HELZ: variants seen among roughly 807,000 people sequenced by gnomAD.
HELZ encodes helicase with zinc finger, also known as ATP-dependent RNA helicase with zinc finger domain.
In HELZ, 23 loss-of-function variants were observed where a neutral mutation model predicts 218.2. That is an observed-to-expected ratio of 0.11 (90% confidence interval 0.08 to 0.15). The LOEUF (loss-of-function observed/expected upper bound fraction) is 0.15. Ranked by LOEUF, HELZ falls within the 10% of genes least tolerant of loss-of-function variation. The pLI is 1.00. For missense variants in HELZ, 1,813 were observed against 2,353.7 expected (o/e 0.77, Z 4.75); for synonymous variants, 814 against 829.4 (o/e 0.98, Z 0.32).
chr17:67,087,974 T>A (rs575422802), intron 31 of HELZ, among the ~76,000 whole-genome samples: 142 of 152,304 alleles, frequency 9.3e-4, no homozygotes, highest in African/African-American at 3.4e-3. Context: ...TGGGTTAGAC[T>A]TCAGGCTCTG....
At chr17:67,126,180 T>C (rs534525779) in intron 24 of HELZ, among the ~76,000 whole-genome samples, 2 of 152,334 alleles carry the variant, frequency 1.3e-5, no homozygotes, top group South Asian at 2.1e-4. Context: ...GACATCTGAC[T>C]CATATAATTG....
At chr17:67,228,977 C>T (rs1359954325) in intron 3 of HELZ, among the ~76,000 whole-genome samples, 1 of 152,124 alleles carries the variant, frequency 6.6e-6, no homozygotes, top group Non-Finnish European at 1.5e-5. Context: ...CTCGGCCACC[C>T]AAAGTGCTGG....
intron 5 of HELZ, among the ~76,000 whole-genome samples, chr17:67,214,259 CTTTTT>C (rs777420102): frequency 1.1e-5 from 1 of 87,740 alleles, no homozygotes; most frequent in Admixed American, 1.5e-4. Context: ...ATTAATATTT[CTTTTT>C]TTTTTTTTTT....
intron 3 of HELZ, among the ~76,000 whole-genome samples, chr17:67,221,761 T>C (rs1279889079): frequency 2.0e-5 from 3 of 152,112 alleles, no homozygotes; most frequent in African/African-American, 7.2e-5. Flanking sequence ...GCTCAATAAG[T>C]GTTAGCTATT....
intron 31 of HELZ, 38 bp downstream of exon 31, chr17:67,107,131 A>G (rs747184761): frequency 2.6e-5 from 39 of 1,529,248 alleles, no homozygotes; most frequent in Non-Finnish European, 3.4e-5. Flanking sequence ...ATTTTTCACA[A>G]TCAGCTAATA....
At chr17:67,243,924 G>T in intron 1 of HELZ, 85 bp from the exon 2 acceptor site, 1 of 869,850 alleles carries the variant, frequency 1.1e-6, no homozygotes, top group Non-Finnish European at 1.4e-6. Flanking sequence ...TGAAGTGAAA[G>T]GGCATCTACA....
intron 21 of HELZ, among the ~76,000 whole-genome samples, chr17:67,144,193 T>C (rs1462081326): frequency 6.6e-6 from 1 of 152,114 alleles, no homozygotes; most frequent in East Asian, 1.9e-4. Context: ...AAACCTATAT[T>C]AGTATCCAAA....
chr17:67,223,424 A>G (rs933364246), intron 3 of HELZ, among the ~76,000 whole-genome samples: 1 of 151,984 alleles, frequency 6.6e-6, no homozygotes, highest in Non-Finnish European at 1.5e-5. Flanking sequence ...GGTCCGCCCC[A>G]TCTGTCTTGA....
At chr17:67,169,362 T>C (rs1443403629) in intron 13 of HELZ, among the ~76,000 whole-genome samples, 1 of 152,118 alleles carries the variant, frequency 6.6e-6, no homozygotes, top group Non-Finnish European at 1.5e-5. Context: ...GGCTGGCATA[T>C]GGTGATGGTC....
chr17:67,199,308 G>A (rs1252860741), intron 7 of HELZ, among the ~76,000 whole-genome samples: 1 of 151,376 alleles, frequency 6.6e-6, no homozygotes, highest in Non-Finnish European at 1.5e-5. Context: ...CGCCTCCTGG[G>A]TTCAAGCCAT....
rs996462801 is a variant in HELZ at position 67,078,922 on chromosome 17, G to C, written c.5495-336C>G. Among the ~76,000 whole-genome samples, 15 of 152,332 alleles carry C rather than the reference G, an allele frequency of 9.8e-5. No individual in the cohort carries two copies. In the South Asian group the frequency reaches 3.1e-3, roughly 32 times the overall value. Reference sequence around the variant, plus strand: ...AGTAACTGCTCATAGTTTGTAAACAGGCACATGCTCTCTCTTAAATAAAAA... The same window carrying C: ...AGTAACTGCTCATAGTTTGTAAACACGCACATGCTCTCTCTTAAATAAAAA... On this transcript the variant is annotated intron_variant, in intron 32 of 32. Transcript: ENST00000358691.
intron 31 of HELZ, among the ~76,000 whole-genome samples, chr17:67,098,008 T>C (rs551643923): frequency 6.6e-6 from 1 of 152,270 alleles, no homozygotes; most frequent in South Asian, 2.1e-4. Context: ...CTGGATACAA[T>C]TCAAGAAATC....
chr17:67,182,444 CA>C (rs373672197), intron 12 of HELZ, among the ~76,000 whole-genome samples: 1 of 151,196 alleles, frequency 6.6e-6, no homozygotes, highest in African/African-American at 2.4e-5. Flanking sequence ...GACTCAGTAT[CA>C]AAAAAAACAG....
intron 20 of HELZ, among the ~76,000 whole-genome samples, chr17:67,147,899 G>A (rs995245454): frequency 2.6e-5 from 4 of 152,210 alleles, no homozygotes; most frequent in African/African-American, 9.6e-5. Flanking sequence ...GGATGGTGGC[G>A]CACCCAGGGA....
intron 7 of HELZ, 87 bp from the exon 8 acceptor site, chr17:67,195,557 G>A: frequency 1.3e-6 from 1 of 763,614 alleles, no homozygotes; most frequent in Non-Finnish European, 2.3e-6. Flanking sequence ...TTAAAACAAA[G>A]GTGAAGTTGG....
At chr17:67,240,219 G>A (rs2041284157) in intron 2 of HELZ, among the ~76,000 whole-genome samples, 1 of 152,132 alleles carries the variant, frequency 6.6e-6, no homozygotes, top group African/African-American at 2.4e-5. Flanking sequence ...AATAGTCCCT[G>A]CACAACATCC....
intron 6 of HELZ, 41 bp from the exon 7 acceptor site, chr17:67,201,226 T>G (rs2143099442): frequency 1.5e-6 from 2 of 1,351,342 alleles, no homozygotes; most frequent in East Asian, 2.3e-5. Context: ...AATTAGTATA[T>G]TAATTCTTTA....
At chr17:67,118,454 AT>A (rs1049105828) in intron 27 of HELZ, among the ~76,000 whole-genome samples, 31 of 152,014 alleles carry the variant, frequency 2.0e-4, no homozygotes, top group African/African-American at 7.2e-4. Context: ...GGTTAGATAT[AT>A]TTTTTTTAAG....
intron 25 of HELZ, 126 bp from the exon 26 acceptor site, chr17:67,123,286 A>G: frequency 1.8e-6 from 1 of 542,352 alleles, no homozygotes; most frequent in African/African-American, 1.9e-5. Context: ...TCATCAAAGA[A>G]TTATCAGTGT....
Sources: gnomAD v4.1 joint callset for allele counts (sites outside exome capture counted in the v4.1 genomes callset) on GRCh38, gnomAD v4.1.1 for gene constraint, MANE v1.5 for transcripts, NCBI Gene and HGNC (gene_info 2026-07-23, HGNC 2026-07-21) for gene names.